The following TACC2 variants were observed in gnomAD, a reference collection of about 807,000 sequenced individuals.
TACC2 encodes the protein transforming acidic coiled-coil-containing protein 2.
TACC2 carries 137 observed loss-of-function variants against 227.3 expected under a neutral mutation model. The ratio of observed to expected loss-of-function variants is 0.60; its 90% CI spans 0.52 to 0.69. TACC2 has a LOEUF of 0.69. Among genes scored for constraint, TACC2 ranks in the 30% least tolerant of loss-of-function variants. TACC2 has a pLI of 0.00. For missense variants in TACC2, 3,470 were observed against 3,694.4 expected (o/e 0.94, Z 1.57); for synonymous variants, 1,523 against 1,487.5 (o/e 1.02, Z -0.55).
Position 122,216,617 on chromosome 10 carries a change from C to T in TACC2, c.7345-10C>T. The stretch of plus-strand genomic sequence containing the variant: ...GATGAGACAAGAAACAGTTTCTCTT[C>T]TCTTTGCAGGACCCCACCCCAGCTG... On this transcript the variant is annotated splice_polypyrimidine_tract_variant and intron_variant, in intron 10 of 22. Transcript: ENST00000369005. The T allele has an allele frequency of 3.7e-6, 6 of 1,612,034 alleles. No individual in the cohort carries two copies. Among genetic ancestry groups the T allele is most frequent in the South Asian group, 2.2e-5 (2 of 90,864 alleles).
intron 2 of TACC2, among the ~76,000 whole-genome samples, chr10:122,028,989 T>A (rs1481098408): frequency 7.4e-5 from 1 of 13,450 alleles, no homozygotes; most frequent in Non-Finnish European, 1.3e-4. Flanking sequence ...TCCCCTCCCC[T>A]CCCCTCCCCT....
chr10:122,248,760 G>A lies in TACC2; in HGVS notation c.8510G>A (p.Arg2837Lys). 2 of 1,614,216 alleles carry A rather than the reference G, an allele frequency of 1.2e-6. No homozygotes were observed. Among genetic ancestry groups the A allele is most frequent in the Non-Finnish European group, 1.7e-6 (2 of 1,180,038 alleles). The part of the protein sequence containing the change: ...SVEKSLADLF[R>K]RYEKMKEVLE... ...GAGAAGTCTCTGGCCGACCTCTTCA[G>A]AAGATATGAGAAGATGAAGGAGGTC... The change falls in exon 20 of 23, where the codon AGA (arginine) becomes AAA (lysine). Residue 2837 changes from arginine (R) to lysine (K), a missense_variant. Transcript: ENST00000369005.
At chr10:122,014,168 GC>G in intron 1 of TACC2, among the ~76,000 whole-genome samples, 1 of 151,890 alleles carries the variant, frequency 6.6e-6, no homozygotes. Flanking sequence ...AAGACTTTGG[GC>G]AAGCTGCAAA....
Position 122,222,309 on chromosome 10 carries a change from A to C in TACC2, c.7547-2417A>C, listed in dbSNP as rs1422375871. Among the ~76,000 whole-genome samples the C allele has an allele frequency of 2.6e-5, 4 of 152,220 alleles. No individual in the cohort carries two copies. In the East Asian group the frequency reaches 7.7e-4, roughly 29 times the overall value. On this transcript the variant is annotated intron_variant, in intron 11 of 22. Transcript: ENST00000369005. ...AAAATAGCAGAGATCACCCAAGATG[A>C]CAGGAGGAAGTATTTATTTTTTTTA... is the stretch of plus-strand genomic sequence containing the variant.
rs779576041 is a variant in TACC2 at position 122,210,345 on chromosome 10, GC to G, written c.5972-48del. ...GATGTTTTGGTACAAGAGGAGAGGT[GC>G]CCCAATGCGTCCTGTGTCTGTAATT... On this transcript the variant is annotated intron_variant, in intron 8 of 22. Transcript: ENST00000369005. The surrounding 1 kb of genome is among the most constrained non-coding windows in gnomAD (Gnocchi z 4.6). 24 of 1,412,018 alleles carry G rather than the reference GC, an allele frequency of 1.7e-5. No homozygotes were observed. The South Asian group carries it at 2.5e-4, about 15-fold the overall frequency. 87.5% of individuals were successfully genotyped at this position (1,412,018 alleles called of 1,614,324 possible). A position where few individuals can be genotyped will look rare whatever the true frequency, so the allele number is the denominator to read the frequency against.
intron 3 of TACC2, among the ~76,000 whole-genome samples, chr10:122,065,188 G>T (rs988516980): frequency 2.6e-5 from 4 of 152,150 alleles, no homozygotes; most frequent in Non-Finnish European, 5.9e-5. Context: ...TCACATTGTT[G>T]TTTGACCAGT....
intron 10 of TACC2, 33 bp from the exon 11 acceptor site, chr10:122,216,594 T>G (rs774878081): frequency 4.4e-6 from 7 of 1,602,324 alleles, no homozygotes; most frequent in East Asian, 2.2e-5. Flanking sequence ...AAGAGTCTGA[T>G]GAGACAAGAA....
At chr10:122,071,043 C>T (rs377139797) in intron 3 of TACC2, among the ~76,000 whole-genome samples, 41 of 152,300 alleles carry the variant, frequency 2.7e-4, no homozygotes, top group African/African-American at 9.4e-4. Context: ...GCAAAACTCT[C>T]ATTTGCATTT....
At chr10:122,033,057 C>T (rs759396021) in intron 2 of TACC2, 12 of 1,262,288 alleles carry the variant, frequency 9.5e-6, no homozygotes, top group African/African-American at 4.6e-5. Flanking sequence ...CTGTTCCCTG[C>T]GACCTGTCCT....
chr10:122,163,664 C>CGCGCACGCCGGCCACACTCGG (rs1166755336), intron 7 of TACC2: 7 of 944,840 alleles, frequency 7.4e-6, no homozygotes, highest in Non-Finnish European at 9.0e-6. Flanking sequence ...CGGGCAGAGC[C>CGCGCACGCCGGCCACACTCGG]GCGCACGCCG....
chr10:122,134,274 C>T (rs896687980), intron 6 of TACC2, among the ~76,000 whole-genome samples: 43 of 151,626 alleles, frequency 2.8e-4, no homozygotes, highest in Admixed American at 1.1e-3. Context: ...TGGGTTCAAG[C>T]GATTCTCCTG....
chr10:122,223,739 A>G (rs1011302938), intron 11 of TACC2, among the ~76,000 whole-genome samples: 1 of 152,208 alleles, frequency 6.6e-6, no homozygotes, highest in South Asian at 2.1e-4. Context: ...CAGAACTGCT[A>G]TTTATCTTTA....
intron 2 of TACC2, among the ~76,000 whole-genome samples, chr10:122,026,220 C>T (rs1271368338): frequency 4.3e-5 from 6 of 140,292 alleles, no homozygotes; most frequent in Non-Finnish European, 7.5e-5. Flanking sequence ...CCCAGCTACT[C>T]GGGAGGCTGA....
chr10:122,092,443 G>T, intron 5 of TACC2, among the ~76,000 whole-genome samples: 1 of 152,218 alleles, frequency 6.6e-6, no homozygotes, highest in East Asian at 1.9e-4. Flanking sequence ...GTTATCAGGT[G>T]ACATGCTTCT....
chr10:122,022,370 A>C (rs908014146), intron 2 of TACC2: 1 of 195,640 alleles, frequency 5.1e-6, no homozygotes, highest in Non-Finnish European at 1.0e-5. Flanking sequence ...CAGCCTTCCA[A>C]GTGTCTGGGA....
At chr10:122,223,057 T>G (rs2095553662) in intron 11 of TACC2, among the ~76,000 whole-genome samples, 1 of 146,476 alleles carries the variant, frequency 6.8e-6, no homozygotes, top group Admixed American at 6.8e-5. Flanking sequence ...CTCTCTCTTT[T>G]TTTTTTTTTT....
chr10:122,128,559 G>A (rs2087336514), intron 5 of TACC2, among the ~76,000 whole-genome samples: 2 of 152,200 alleles, frequency 1.3e-5, no homozygotes, highest in African/African-American at 2.4e-5. Context: ...AGGCTGACAA[G>A]CCTAGGTCCT....
At chr10:122,001,071 C>T (rs987855768) in intron 1 of TACC2, among the ~76,000 whole-genome samples, 5 of 152,368 alleles carry the variant, frequency 3.3e-5, no homozygotes, top group African/African-American at 1.2e-4. Context: ...CATCCACCTG[C>T]CGTGGCTTCC....
rs532265689 is a variant in TACC2 at position 122,082,474 on chromosome 10, A to G, written c.147-173A>G. ...GGAAACGAGGGCATGCATAATGGTT[A>G]TGGGAGGGGTGCAGGGGGCTCTCAC... is the stretch of plus-strand genomic sequence containing the variant. On this transcript the variant is annotated intron_variant, in intron 3 of 22. Coordinates refer to ENST00000369005, the MANE Select transcript of TACC2 (RefSeq NM_206862.4). 3.3e-5 allele frequency among the ~76,000 whole-genome samples: 5 copies of G among 151,250 alleles called. No homozygotes were observed. The South Asian group carries it at 8.4e-4, about 25-fold the overall frequency.
Sources: allele counts gnomAD v4.1 joint callset (sites outside exome capture counted in the v4.1 genomes callset), GRCh38; gene constraint gnomAD v4.1.1; non-coding constraint Gnocchi (gnomAD v3.1); transcripts MANE v1.5; gene names NCBI Gene and HGNC (gene_info 2026-07-23, HGNC 2026-07-21).